CDKAL1: variants seen among roughly 807,000 people sequenced by gnomAD.
CDKAL1 encodes the protein threonylcarbamoyladenosine tRNA methylthiotransferase.
A neutral mutation model predicts 68.2 loss-of-function variants in CDKAL1; 32 were observed. That is an observed-to-expected ratio of 0.47 (90% CI 0.35 to 0.63). CDKAL1 has a LOEUF of 0.63. Among genes scored for constraint, CDKAL1 ranks in the 30% least tolerant of loss-of-function variants. CDKAL1 has a pLI of 0.00. For synonymous variants in CDKAL1, 234 were observed against 244.3 expected, an observed-to-expected ratio of 0.96 and a Z score of 0.39; for missense variants, 606 against 696.7, an observed-to-expected ratio of 0.87 and a Z score of 1.47.
intron 15 of CDKAL1, among the ~76,000 whole-genome samples, chr6:21,207,819 A>C (rs1488114231): frequency 6.6e-6 from 1 of 152,204 alleles, no homozygotes; most frequent in African/African-American, 2.4e-5. Context: ...TAACTTGTGA[A>C]GTAAAAGTTG....
intron 11 of CDKAL1, among the ~76,000 whole-genome samples, chr6:21,022,895 C>T (rs1014577098): frequency 2.6e-5 from 4 of 152,202 alleles, no homozygotes; most frequent in African/African-American, 9.6e-5. Flanking sequence ...GCACTTAATG[C>T]TGTTCACAGA....
intron 9 of CDKAL1, among the ~76,000 whole-genome samples, chr6:20,882,536 A>G (rs1449278224): frequency 6.6e-6 from 1 of 152,078 alleles, no homozygotes; most frequent in African/African-American, 2.4e-5. Context: ...CGAAAAGAAT[A>G]TTTTTTTCTT....
At chr6:21,003,367 T>TACACACACACACACACACACACAC (rs1483081425) in intron 11 of CDKAL1, among the ~76,000 whole-genome samples, 115 of 65,574 alleles carry the variant, frequency 1.8e-3, no homozygotes, top group African/African-American at 8.3e-3. Context: ...TATATATATA[T>TACACACACACACACACACACACAC]ATATACACAC....
chr6:20,838,275 C>T lies in CDKAL1; in HGVS notation c.639-7800C>T, dbSNP rs558918931. ...GGTAGGAAGTGTATAGTTGTGTTCACAGTTCCTGTTTCGTTTTCAGCTTGG... is the reference window on the plus strand; with the variant it reads ...GGTAGGAAGTGTATAGTTGTGTTCATAGTTCCTGTTTCGTTTTCAGCTTGG... On this transcript the variant is annotated intron_variant, in intron 8 of 15. Coordinates refer to ENST00000274695, the MANE Select transcript of CDKAL1 (RefSeq NM_017774.3). 5.9e-5 allele frequency among the ~76,000 whole-genome samples: 9 copies of T among 152,164 alleles called. No homozygotes were observed. In the South Asian group the frequency reaches 1.7e-3, roughly 28 times the overall value.
At chr6:20,860,697 A>C (rs1488897228) in intron 9 of CDKAL1, among the ~76,000 whole-genome samples, 2 of 151,846 alleles carry the variant, frequency 1.3e-5, no homozygotes, top group East Asian at 3.9e-4. Context: ...GGTGGCACGC[A>C]CCTGTAGTCC....
At chr6:20,753,187 A>T (rs1012410533) in intron 6 of CDKAL1, among the ~76,000 whole-genome samples, 1 of 152,174 alleles carries the variant, frequency 6.6e-6, no homozygotes, top group Non-Finnish European at 1.5e-5. Flanking sequence ...CCCTCTGCCC[A>T]TCCAAAGACA....
intron 9 of CDKAL1, among the ~76,000 whole-genome samples, chr6:20,950,286 G>A (rs1332058791): frequency 1.3e-5 from 2 of 151,822 alleles, no homozygotes; most frequent in African/African-American, 4.8e-5. Context: ...CACCACGCCC[G>A]GCTAATTTTG....
chr6:20,633,524 T>G (rs1375928489), intron 4 of CDKAL1, among the ~76,000 whole-genome samples: 1 of 152,192 alleles, frequency 6.6e-6, no homozygotes, highest in African/African-American at 2.4e-5. Flanking sequence ...TGTGAACACG[T>G]TTTCATTTTT....
chr6:20,926,383 G>T (rs1368114183), intron 9 of CDKAL1, among the ~76,000 whole-genome samples: 1 of 151,912 alleles, frequency 6.6e-6, no homozygotes, highest in Non-Finnish European at 1.5e-5. Flanking sequence ...ATTACACTGT[G>T]GAGAAATTCA....
intron 4 of CDKAL1, among the ~76,000 whole-genome samples, chr6:20,568,754 A>AACT (rs1764580911): frequency 2.8e-5 from 1 of 36,246 alleles, no homozygotes; most frequent in Non-Finnish European, 5.3e-5. Flanking sequence ...AAAAAAACAA[A>AACT]AAAACAAAAA....
intron 4 of CDKAL1, among the ~76,000 whole-genome samples, chr6:20,586,649 A>C (rs1469223831): frequency 6.6e-6 from 1 of 152,182 alleles, no homozygotes. Context: ...AACAAACATA[A>C]AAAAAGGAAG....
intron 15 of CDKAL1, among the ~76,000 whole-genome samples, chr6:21,213,934 A>G (rs1002520394): frequency 7.9e-5 from 12 of 152,234 alleles, no homozygotes; most frequent in African/African-American, 2.7e-4. Context: ...CAAAGTATCT[A>G]TCAACAGATG....
intron 12 of CDKAL1, among the ~76,000 whole-genome samples, chr6:21,079,481 T>G (rs1021217669): frequency 1.3e-5 from 2 of 152,244 alleles, no homozygotes; most frequent in African/African-American, 4.8e-5. Flanking sequence ...TAGATACGTC[T>G]TCTTCTTTTG....
At chr6:20,994,391 A>G (rs148947961) in intron 10 of CDKAL1, among the ~76,000 whole-genome samples, 2,376 of 152,310 alleles carry the variant, frequency 0.016, 78 homozygotes, top group African/African-American at 0.054. Flanking sequence ...AGGCAAGAGA[A>G]TCACTTGAAC....
intron 4 of CDKAL1, among the ~76,000 whole-genome samples, chr6:20,552,072 A>G (rs1266887162): frequency 6.7e-6 from 1 of 150,266 alleles, no homozygotes; most frequent in Non-Finnish European, 1.5e-5. Context: ...GTGTTGGCTC[A>G]TGCCTGCTGT....
chr6:20,919,947 G>A (rs1184031008), intron 9 of CDKAL1, among the ~76,000 whole-genome samples: 2 of 152,198 alleles, frequency 1.3e-5, no homozygotes, highest in Admixed American at 6.5e-5. Flanking sequence ...AGTGGTGGTA[G>A]TGGCATCTGG....
chr6:21,078,683 A>T (rs1439259989), intron 12 of CDKAL1, among the ~76,000 whole-genome samples: 4 of 152,122 alleles, frequency 2.6e-5, no homozygotes, highest in Non-Finnish European at 5.9e-5. Flanking sequence ...CCCCTGCCTC[A>T]GATTCCTTCC....
chr6:20,726,081 T>C (rs932410459), intron 5 of CDKAL1, among the ~76,000 whole-genome samples: 3 of 152,142 alleles, frequency 2.0e-5, no homozygotes, highest in African/African-American at 7.2e-5. Flanking sequence ...GGGGAGTATT[T>C]GCATCTGAGA....
At chr6:20,588,727 G>C (rs1231801643) in intron 4 of CDKAL1, among the ~76,000 whole-genome samples, 1 of 152,016 alleles carries the variant, frequency 6.6e-6, no homozygotes, top group Non-Finnish European at 1.5e-5. Context: ...TTCGAACTCT[G>C]TTTCTCTAGT....
Sources: gnomAD v4.1 joint callset for allele counts (sites outside exome capture counted in the v4.1 genomes callset) on GRCh38, gnomAD v4.1.1 for gene constraint, MANE v1.5 for transcripts, NCBI Gene and HGNC (gene_info 2026-07-23, HGNC 2026-07-21) for gene names.